The following TENM2 variants were observed in gnomAD, a reference collection of about 807,000 sequenced individuals.
The protein encoded by TENM2 is teneurin-2.
Under a neutral mutation model 245.2 loss-of-function variants are expected in TENM2, and 52 were observed. That is an observed-to-expected ratio of 0.21 (90% CI 0.17 to 0.27). The LOEUF is 0.27. Among genes scored for constraint, TENM2 ranks in the 10% least tolerant of loss-of-function variants. The pLI, the probability that TENM2 is intolerant of heterozygous loss-of-function variation, is 1.00. For missense variants in TENM2, 3,046 were observed against 3,666.8 expected (o/e 0.83, Z 4.37); for synonymous variants, 1,363 against 1,438.9 (o/e 0.95, Z 1.19).
At chr5:167,077,015 A>G in the TENM2 span, among the ~76,000 whole-genome samples, 14 of 152,286 alleles carry the variant, frequency 9.2e-5, no homozygotes, top group South Asian at 2.9e-3. Flanking sequence ...TGGTAAAGAC[A>G]GAGTTTCACT....
intron 4 of TENM2, among the ~76,000 whole-genome samples, chr5:167,985,308 TA>T (rs1229139405): frequency 6.6e-6 from 1 of 152,174 alleles, no homozygotes. Context: ...ATGGGCTGTG[TA>T]TCAATGTTTT....
At chr5:167,315,791 A>G (rs1756329647) in intron 1 of TENM2, among the ~76,000 whole-genome samples, 2 of 152,138 alleles carry the variant, frequency 1.3e-5, no homozygotes, top group Admixed American at 1.3e-4. Flanking sequence ...TGTCTCTGGG[A>G]GTGGGCATTC....
chr5:167,003,883 G>A, the TENM2 span, among the ~76,000 whole-genome samples: 1 of 152,028 alleles, frequency 6.6e-6, no homozygotes, highest in Non-Finnish European at 1.5e-5. Flanking sequence ...TCTAATGAGC[G>A]TTTTAGCTTC....
the TENM2 span, among the ~76,000 whole-genome samples, chr5:167,162,476 A>G: frequency 9.7e-3 from 1,471 of 151,778 alleles, 26 homozygotes; most frequent in African/African-American, 0.033. Flanking sequence ...AAAAATACAA[A>G]ATTTAGCTGG....
intron 2 of TENM2, among the ~76,000 whole-genome samples, chr5:167,860,053 G>T (rs1771591285): frequency 1.0e-5 from 1 of 100,098 alleles, no homozygotes; most frequent in Non-Finnish European, 2.3e-5. Flanking sequence ...GTCCGGGAGG[G>T]AGGTGGGGGG....
intron 2 of TENM2, among the ~76,000 whole-genome samples, chr5:167,476,825 C>G (rs1337682949): frequency 1.3e-5 from 2 of 152,150 alleles, no homozygotes; most frequent in Non-Finnish European, 2.9e-5. Flanking sequence ...TCTCGAACTC[C>G]TGACCTCAGG....
intron 2 of TENM2, among the ~76,000 whole-genome samples, chr5:167,792,601 G>A (rs933580439): frequency 2.0e-5 from 3 of 151,956 alleles, no homozygotes; most frequent in Non-Finnish European, 4.4e-5. Context: ...GAGCAGTTGT[G>A]TACATCCTTA....
chr5:167,323,037 C>A (rs951394591), intron 1 of TENM2, among the ~76,000 whole-genome samples: 9 of 152,194 alleles, frequency 5.9e-5, no homozygotes, highest in African/African-American at 2.2e-4. Flanking sequence ...GGCCAACTGG[C>A]CCTGCACCTT....
intron 24 of TENM2, among the ~76,000 whole-genome samples, chr5:168,227,202 C>A (rs141691082): frequency 6.6e-6 from 1 of 152,158 alleles, no homozygotes; most frequent in African/African-American, 2.4e-5. Context: ...CGTAACTTTT[C>A]GGTAAAGGAA....
intron 1 of TENM2, among the ~76,000 whole-genome samples, chr5:167,313,000 T>C (rs1490543320): frequency 1.3e-5 from 2 of 151,402 alleles, no homozygotes; most frequent in African/African-American, 2.4e-5. Flanking sequence ...CTTCCTGGGT[T>C]CAAGCAATTC....
the TENM2 span, among the ~76,000 whole-genome samples, chr5:167,072,011 C>T: frequency 6.6e-6 from 1 of 151,452 alleles, no homozygotes. Flanking sequence ...ATGCAGCCAT[C>T]AGTCTTAAAT....
At chr5:167,178,984 A>G in the TENM2 span, among the ~76,000 whole-genome samples, 1 of 152,198 alleles carries the variant, frequency 6.6e-6, no homozygotes, top group African/African-American at 2.4e-5. Context: ...AGAGAACCTT[A>G]TATACATCAA....
the TENM2 span, among the ~76,000 whole-genome samples, chr5:167,103,069 A>G: frequency 2.0e-5 from 3 of 152,218 alleles, no homozygotes; most frequent in South Asian, 4.1e-4. Context: ...ACTGAGTTAA[A>G]CATGTAGGAC....
At chr5:167,487,645 A>T (rs188530923) in intron 2 of TENM2, among the ~76,000 whole-genome samples, 69 of 152,298 alleles carry the variant, frequency 4.5e-4, no homozygotes, top group African/African-American at 1.6e-3. Context: ...AACTAATGGA[A>T]TATCTACTTT....
chr5:167,127,313 C>G, the TENM2 span, among the ~76,000 whole-genome samples: 1 of 152,148 alleles, frequency 6.6e-6, no homozygotes, highest in Non-Finnish European at 1.5e-5. Context: ...ACGCAGCTTT[C>G]CCAACACTAA....
chr5:167,577,713 C>CT (rs1439785849), intron 2 of TENM2, among the ~76,000 whole-genome samples: 1 of 151,918 alleles, frequency 6.6e-6, no homozygotes, highest in African/African-American at 2.4e-5. Context: ...CTCTTGTTCT[C>CT]TTTTTTTAAT....
At chr5:167,410,462 C>G (rs1762847363) in intron 2 of TENM2, among the ~76,000 whole-genome samples, 1 of 151,922 alleles carries the variant, frequency 6.6e-6, no homozygotes, top group African/African-American at 2.4e-5. Context: ...ATCATATCTG[C>G]ATTCTCTGCA....
the TENM2 span, among the ~76,000 whole-genome samples, chr5:167,173,497 T>C: frequency 6.6e-6 from 1 of 152,196 alleles, no homozygotes; most frequent in Non-Finnish European, 1.5e-5. Context: ...CAGCTTATAA[T>C]GTCTTTGTAA....
chr5:167,985,792 A>C (rs540011316), intron 4 of TENM2, among the ~76,000 whole-genome samples: 5 of 152,316 alleles, frequency 3.3e-5, no homozygotes, highest in South Asian at 4.1e-4. Context: ...AATTTTATGT[A>C]TTTGTTTGTT....
Sources: gnomAD v4.1 joint callset for allele counts (sites outside exome capture counted in the v4.1 genomes callset) on GRCh38, gnomAD v4.1.1 for gene constraint, MANE v1.5 for transcripts, NCBI Gene and HGNC (gene_info 2026-07-23, HGNC 2026-07-21) for gene names.